Variants in H1-8 observed in about 807,000 individuals in gnomAD.
H1-8 encodes histone H1.8.
A neutral mutation model predicts 19.5 loss-of-function variants in H1-8; 13 were observed. The ratio of observed to expected loss-of-function variants is 0.67; its 90% CI spans 0.43 to 1.06. The LOEUF is 1.06. Ranked by LOEUF, H1-8 falls within the 50% of genes least tolerant of loss-of-function variation. The pLI, the probability that H1-8 is intolerant of heterozygous loss-of-function variation, is 0.00. For synonymous variants in H1-8, 193 were observed against 187.6 expected (o/e 1.03, Z -0.24); for missense variants, 432 against 459.8 (o/e 0.94, Z 0.55).
intron 1 of H1-8, among the ~76,000 whole-genome samples, chr3:129,543,585 G>A (rs1333155396): frequency 6.7e-6 from 1 of 149,542 alleles, no homozygotes; most frequent in East Asian, 1.9e-4. Context: ...GGGCCTTCCA[G>A]CTGGAGCCCG....
chr3:129,547,602 G>A lies in H1-8; in HGVS notation c.300G>A (p.Ala100=), dbSNP rs1475956500. The change falls in exon 2 of 5, where the codon GCG becomes GCA. Residue 100 remains alanine (A), a synonymous_variant. Transcript: ENST00000324382. ...GCTTCAAGTACCTGCTGAAGCAGGC[G>A]CTGGCCACTGGCATGCGCCGTGGCC... is the stretch of plus-strand genomic sequence containing the variant. ...VLRFKYLLKQ[A]LATGMRRGLL... 5 of 1,554,246 alleles carry A rather than the reference G, an allele frequency of 3.2e-6. No individual in the cohort carries two copies. The highest frequency in any genetic ancestry group is 2.6e-6 in the Non-Finnish European group (3 of 1,149,532).
In H1-8 at chr3:129,547,577, G is replaced by A. The variant is rs1337181714; in HGVS notation, c.275G>A (p.Arg92His). ...LHKYPTVDVL[R>H]FKYLLKQALA... ...AAGTACCCAACAGTGGACGTCCTCC[G>A]CTTCAAGTACCTGCTGAAGCAGGCG... Residue 92 changes from arginine to histidine, a missense_variant, in exon 2 of 5, where the codon CGC becomes CAC. By Grantham distance (29) the Arg-to-His change is conservative. Coordinates refer to ENST00000324382, the MANE Select transcript of H1-8 (RefSeq NM_153833.3). 7.7e-6 allele frequency: 12 copies of A among 1,564,952 alleles called. No homozygotes were observed. Among genetic ancestry groups the A allele is most frequent in the Middle Eastern group, 1.7e-4 (1 of 6,024 alleles).
At position 129,548,519 on chromosome 3, in the gene H1-8, G is replaced by A. The variant is rs1320073930; in HGVS notation, c.379-482G>A. 1.7e-5 allele frequency: 17 copies of A among 989,934 alleles called. No homozygotes were observed. In the East Asian group the frequency reaches 1.4e-3, roughly 79 times the overall value. 61.3% of individuals were successfully genotyped at this position (989,934 alleles called of 1,614,324 possible). On this transcript the variant is annotated intron_variant, in intron 2 of 4. Coordinates refer to ENST00000324382, the MANE Select transcript of H1-8 (RefSeq NM_153833.3). ...TGATGGGGAGCCCTGAGGGTTGGGG[G>A]ACAGGAAAGAAACAGCTTGCCAGGA... is the stretch of plus-strand genomic sequence containing the variant.
chr3:129,547,319 C>T (rs2713617), intron 1 of H1-8, 72 bp from the exon 2 acceptor site: 5 of 1,424,076 alleles, frequency 3.5e-6, no homozygotes, highest in East Asian at 2.5e-5. Context: ...TCACCCACCC[C>T]CCACGGGCCA....
At chr3:129,549,599 G>GTGGTCATGGAAGGCTTCC (rs138110389) in intron 3 of H1-8, among the ~76,000 whole-genome samples, 5,001 of 151,874 alleles carry the variant, frequency 0.033, 258 homozygotes, top group African/African-American at 0.12. Flanking sequence ...TCTTGAGGCA[G>GTGGTCATGGAAGGCTTCC]TGGAGGAAGG....
rs370786236 is a variant in H1-8 at position 129,546,246 on chromosome 3, C to T, written c.89-1145C>T. Among the ~76,000 whole-genome samples, 17 of 152,150 alleles carry T rather than the reference C, an allele frequency of 1.1e-4. No homozygotes were observed. The East Asian group carries it at 2.3e-3, about 21-fold the overall frequency. On this transcript the variant is annotated intron_variant, in intron 1 of 4. Coordinates refer to ENST00000324382, the MANE Select transcript of H1-8 (RefSeq NM_153833.3). Reference sequence around the variant, plus strand: ...GACTGAGGCAAGAGGATCACTTGAGCTGGAGAGGTCAAGGCTGCAGTGAGC... The same window carrying T: ...GACTGAGGCAAGAGGATCACTTGAGTTGGAGAGGTCAAGGCTGCAGTGAGC...
chr3:129,551,316 G>A lies in H1-8; in HGVS notation c.1017G>A (p.Val339=). ...GLPIKASSSK[V]SSQRAEA ...CCATCAAGGCCTCATCATCCAAAGTGTCCAGCCAGAGGGCTGAAGCTTAGG... is the reference window on the plus strand; with the variant it reads ...CCATCAAGGCCTCATCATCCAAAGTATCCAGCCAGAGGGCTGAAGCTTAGG... The change falls in exon 5 of 5, where the codon GTG becomes GTA. Residue 339 remains valine, a synonymous_variant. Coordinates refer to ENST00000324382, the MANE Select transcript of H1-8 (RefSeq NM_153833.3). 1 of 1,613,564 alleles carries A rather than the reference G, an allele frequency of 6.2e-7. No individual in the cohort carries two copies. Among genetic ancestry groups the A allele is most frequent in the South Asian group, 1.1e-5 (1 of 91,078 alleles).
At chr3:129,543,405 C>CCCCAGCACCTA (rs1442623339) in intron 1 of H1-8, 99 bp downstream of exon 1, 61 of 848,090 alleles carry the variant, frequency 7.2e-5, no homozygotes, top group African/African-American at 6.2e-4. Flanking sequence ...CCCAGCCTGG[C>CCCCAGCACCTA]CCCAGCACCT....
chr3:129,543,661 G>A (rs1405654069), intron 1 of H1-8, among the ~76,000 whole-genome samples: 1 of 152,224 alleles, frequency 6.6e-6, no homozygotes, highest in Non-Finnish European at 1.5e-5. Context: ...AGGGACTGGG[G>A]CAGGAGCATT....
At chr3:129,548,898 C>T (rs1560052081) in intron 2 of H1-8, 103 bp from the exon 3 acceptor site, 2 of 1,440,848 alleles carry the variant, frequency 1.4e-6, no homozygotes, top group South Asian at 1.4e-5. Flanking sequence ...CCTGTGGAGC[C>T]CCCCTGTTTG....
chr3:129,548,466 G>A (rs547707360), intron 2 of H1-8: 2 of 987,710 alleles, frequency 2.0e-6, no homozygotes, highest in East Asian at 1.1e-4. Context: ...GCTGGCAGTT[G>A]AGGGGTGAAG....
chr3:129,545,478 C>CT (rs2084880603), intron 1 of H1-8, among the ~76,000 whole-genome samples: 1 of 152,138 alleles, frequency 6.6e-6, no homozygotes, highest in African/African-American at 2.4e-5. Flanking sequence ...ACAATTCACC[C>CT]TTTAAAGTGT....
Position 129,551,413 on chromosome 3 carries a change from T to G in H1-8, c.*73T>G. On this transcript the variant is annotated 3_prime_UTR_variant, in exon 5 of 5. Transcript: ENST00000324382. ...ATTCTTCAACTAACCACTGCTCTAT[T>G]TATTTCATTGTAAGCTATTTATCAA... 1 of 892,814 alleles carries G rather than the reference T, an allele frequency of 1.1e-6. No homozygotes were observed. The highest frequency in any genetic ancestry group is 1.7e-6 in the Non-Finnish European group (1 of 577,138). The allele number at this position is 892,814 out of a possible 1,614,324, so 55.3% of individuals were successfully genotyped here.
chr3:129,548,749 G>A (rs1469943931), intron 2 of H1-8, among the ~76,000 whole-genome samples: 5 of 152,158 alleles, frequency 3.3e-5, no homozygotes, highest in Admixed American at 1.3e-4. Context: ...GGGTAGTGGG[G>A]GAGGAGGAGT....
In H1-8 at chr3:129,549,111, C is replaced by T. The variant is rs1560052271; in HGVS notation, c.489C>T (p.Ala163=). ...KGKGPKKPSE[A]KEDPPNVGKV... is the part of the protein sequence containing the mutation. The stretch of plus-strand genomic sequence containing the variant: ...AGGGCCCCAAGAAACCAAGTGAGGC[C>T]AAGGAGGACCCTCCCAACGTGGGCA... The change falls in exon 3 of 5, where the codon GCC becomes GCT. Residue 163 remains alanine (A), a synonymous_variant. Transcript: ENST00000324382. The T allele has an allele frequency of 6.3e-7, 1 of 1,597,246 alleles. No homozygotes were observed. Among genetic ancestry groups the T allele is most frequent in the Non-Finnish European group, 8.5e-7 (1 of 1,171,030 alleles).
intron 3 of H1-8, among the ~76,000 whole-genome samples, chr3:129,550,007 T>G (rs2084922137): frequency 6.6e-6 from 1 of 152,134 alleles, no homozygotes; most frequent in African/African-American, 2.4e-5. Flanking sequence ...TGTAATTCAG[T>G]CTACCTACAG....
At chr3:129,545,671 A>G (rs1214422596) in intron 1 of H1-8, among the ~76,000 whole-genome samples, 8 of 152,270 alleles carry the variant, frequency 5.3e-5, no homozygotes, top group African/African-American at 1.9e-4. Flanking sequence ...ATTTCATATA[A>G]ATGGAATCAG....
intron 1 of H1-8, among the ~76,000 whole-genome samples, chr3:129,544,831 G>A (rs916788517): frequency 1.3e-5 from 2 of 152,082 alleles, no homozygotes; most frequent in East Asian, 1.9e-4. Context: ...CCCACTGTAC[G>A]GATGGGAAGA....
At chr3:129,543,610 C>A (rs997493585) in intron 1 of H1-8, among the ~76,000 whole-genome samples, 1 of 152,204 alleles carries the variant, frequency 6.6e-6, no homozygotes, top group African/African-American at 2.4e-5. Flanking sequence ...CTGCTGGGAC[C>A]GTAGCCCGTA....
Sources: gnomAD v4.1 joint callset for allele counts (sites outside exome capture counted in the v4.1 genomes callset) on GRCh38, gnomAD v4.1.1 for gene constraint, MANE v1.5 for transcripts, NCBI Gene and HGNC (gene_info 2026-07-23, HGNC 2026-07-21) for gene names.